CUX1: variants seen among roughly 807,000 people sequenced by gnomAD.
The protein encoded by CUX1 is protein CASP.
A neutral mutation model predicts 158.8 loss-of-function variants in CUX1; 31 were observed. The observed-to-expected ratio is 0.20, with a 90% CI of 0.15 to 0.26. The LOEUF is 0.26. CUX1 is among the 10% of genes least tolerant of loss of function. The pLI, the probability that CUX1 is intolerant of heterozygous loss-of-function variation, is 1.00. For missense variants in CUX1, 1,589 were observed against 2,014.6 expected, an observed-to-expected ratio of 0.79 and a Z score of 4.04; for synonymous variants, 879 against 862.1, an observed-to-expected ratio of 1.02 and a Z score of -0.34.
At chr7:102,030,689 G>GTTTTTTTTTTTTTTTTTT (rs1585341128) in intron 3 of CUX1, among the ~76,000 whole-genome samples, 2 of 82,546 alleles carry the variant, frequency 2.4e-5, no homozygotes, top group African/African-American at 1.1e-4. Flanking sequence ...ATTTTAAAAA[G>GTTTTTTTTTTTTTTTTTT]TGTTTTTTTT....
In CUX1 at chr7:101,913,225, C is replaced by T. The variant is rs193272510; in HGVS notation, c.31-2890C>T. 2.6e-3 allele frequency: 1,041 copies of T among 406,018 alleles called. 11 individuals carry two copies. Among genetic ancestry groups the T allele is most frequent in the African/African-American group, 0.02 (958 of 46,792 alleles). The allele number at this position is 406,018 out of a possible 1,614,324, so 25.2% of individuals were successfully genotyped here. On this transcript the variant is annotated intron_variant, in intron 1 of 23. Coordinates refer to ENST00000292535, the MANE Select transcript of CUX1 (RefSeq NM_181552.4). ...ATCTGATCAACCCAATCTGGGGCGG[C>T]GGCAGCTCAGTCTCTCCTCCTCGCT...
intron 20 of CUX1, among the ~76,000 whole-genome samples, chr7:102,209,388 A>G (rs1177653592): frequency 3.9e-5 from 6 of 152,200 alleles, no homozygotes; most frequent in Admixed American, 3.9e-4. Flanking sequence ...CAGCAGCGTC[A>G]CTAGTGACCC....
In CUX1 at chr7:101,978,739, C is replaced by T. The variant is rs377612973; in HGVS notation, c.142-49359C>T. The stretch of plus-strand genomic sequence containing the variant: ...GCCTAGCCTCTGTCCTCCTCCTCTG[C>T]GCCCCGTGGCTTCTTCCACTTTCTT... On this transcript the variant is annotated intron_variant, in intron 2 of 23. Transcript: ENST00000292535. Among the ~76,000 whole-genome samples, 656 of 152,346 alleles carry T rather than the reference C, an allele frequency of 4.3e-3. 4 individuals carry two copies. Among genetic ancestry groups the T allele is most frequent in the Non-Finnish European group, 7.3e-3 (495 of 68,020 alleles).
At chr7:102,002,047 A>G (rs1182044784) in intron 2 of CUX1, among the ~76,000 whole-genome samples, 2 of 152,216 alleles carry the variant, frequency 1.3e-5, no homozygotes, top group Non-Finnish European at 2.9e-5. Context: ...TAATCCCAGC[A>G]CTTTGAGAGG....
intron 1 of CUX1, among the ~76,000 whole-genome samples, chr7:101,876,565 C>T (rs1326576517): frequency 6.6e-6 from 1 of 151,602 alleles, no homozygotes; most frequent in Non-Finnish European, 1.5e-5. Context: ...CGTGGTGGCA[C>T]GCACCTGTAG....
At chr7:102,034,392 A>G (rs1821171372) in intron 3 of CUX1, among the ~76,000 whole-genome samples, 1 of 152,038 alleles carries the variant, frequency 6.6e-6, no homozygotes, top group Admixed American at 6.6e-5. Context: ...AACTACCAAC[A>G]GGCTAGGCAT....
At chr7:101,934,183 CGAT>C (rs766360646) in intron 2 of CUX1, among the ~76,000 whole-genome samples, 2 of 152,188 alleles carry the variant, frequency 1.3e-5, no homozygotes, top group Non-Finnish European at 2.9e-5. Flanking sequence ...CACACTGTAA[CGAT>C]GATCTAAAGG....
chr7:101,995,261 C>T (rs527844327), intron 2 of CUX1, among the ~76,000 whole-genome samples: 6 of 152,234 alleles, frequency 3.9e-5, no homozygotes, highest in East Asian at 3.9e-4. Context: ...CCATCCAGGC[C>T]GCCATGGCTC....
intron 3 of CUX1, among the ~76,000 whole-genome samples, chr7:102,068,288 T>G (rs1049891624): frequency 2.0e-5 from 3 of 151,946 alleles, no homozygotes; most frequent in African/African-American, 7.2e-5. Context: ...AATTTTTATT[T>G]TTAAATTTTA....
chr7:102,112,304 C>G (rs1448927314), intron 7 of CUX1, among the ~76,000 whole-genome samples: 1 of 143,986 alleles, frequency 6.9e-6, no homozygotes, highest in African/African-American at 2.6e-5. Context: ...TGCAGTGGCA[C>G]GATCTTGACT....
At chr7:101,870,451 A>T (rs1304358725) in intron 1 of CUX1, among the ~76,000 whole-genome samples, 3 of 152,114 alleles carry the variant, frequency 2.0e-5, no homozygotes. Flanking sequence ...GATTACAGGC[A>T]TGAGACATTC....
intron 2 of CUX1, among the ~76,000 whole-genome samples, chr7:101,925,792 G>A (rs1805513495): frequency 6.6e-6 from 1 of 152,052 alleles, no homozygotes; most frequent in Admixed American, 6.6e-5. Context: ...TATTAGCTGG[G>A]AGTGGTGGTG....
chr7:101,854,493 T>A (rs1471064623), intron 1 of CUX1, among the ~76,000 whole-genome samples: 1 of 152,114 alleles, frequency 6.6e-6, no homozygotes, highest in East Asian at 1.9e-4. Context: ...CATTCCCTTA[T>A]CTCTGGGTGG....
At chr7:101,821,247 T>TCC (rs142508756) in intron 1 of CUX1, among the ~76,000 whole-genome samples, 403 of 149,650 alleles carry the variant, frequency 2.7e-3, no homozygotes, top group Admixed American at 9.5e-3. Context: ...GAGAAGATAC[T>TCC]CCCCCCCGCC....
Position 101,916,863 on chromosome 7 carries a change from T to C in CUX1, c.141+638T>C, listed in dbSNP as rs1454564041. On this transcript the variant is annotated intron_variant, in intron 2 of 23. Transcript: ENST00000292535. This position sits in a 1 kb window ranked among gnomAD's most constrained non-coding sequence, Gnocchi z 4.4. Reference sequence around the variant, plus strand: ...CTGGGGTGGCGTTTTTCTGCTCGTTTCCTGGCCCCTTCTTCCTTCCCTTCA... The same window carrying C: ...CTGGGGTGGCGTTTTTCTGCTCGTTCCCTGGCCCCTTCTTCCTTCCCTTCA... 1.3e-5 allele frequency among the ~76,000 whole-genome samples: 2 copies of C among 151,966 alleles called. No homozygotes were observed. Among genetic ancestry groups the C allele is most frequent in the African/African-American group, 4.8e-5 (2 of 41,362 alleles).
intron 1 of CUX1, among the ~76,000 whole-genome samples, chr7:101,855,877 C>CAAAA (rs10654821): frequency 1.7e-4 from 19 of 110,958 alleles, no homozygotes; most frequent in South Asian, 3.2e-4. Context: ...GTTTCCAGCT[C>CAAAA]AAAAAAAAAA....
chr7:102,277,395 AGACCAGCCT>A (rs1377577480), intron 17 of CUX1, among the ~76,000 whole-genome samples: 1 of 152,082 alleles, frequency 6.6e-6, no homozygotes, highest in Non-Finnish European at 1.5e-5. Flanking sequence ...CAGGAGTTCG[AGACCAGCCT>A]GAACAAAATG....
In CUX1 at chr7:102,250,399, G is replaced by T. The variant is rs1563491720; in HGVS notation, c.*1357G>T. 1 of 985,558 alleles carries T rather than the reference G, an allele frequency of 1.0e-6. No homozygotes were observed. The highest frequency in any genetic ancestry group is 1.7e-5 in the African/African-American group (1 of 57,364). 61.1% of individuals were successfully genotyped at this position (985,558 alleles called of 1,614,324 possible). ...CACACCACTCTCCTGGATACCTGAT[G>T]AACTGAGCCCTCCCAGGGGAAGACA... On this transcript the variant is annotated 3_prime_UTR_variant, in exon 24 of 24. Coordinates refer to ENST00000292535, the MANE Select transcript of CUX1 (RefSeq NM_181552.4).
Position 102,257,832 on chromosome 7 carries a change from T to C in CUX1, c.*8790T>C. 1 of 984,882 alleles carries C rather than the reference T, an allele frequency of 1.0e-6. No individual in the cohort carries two copies. The highest frequency in any genetic ancestry group is 1.2e-6 in the Non-Finnish European group (1 of 829,838). The allele number at this position is 984,882 out of a possible 1,614,324, so 61.0% of individuals were successfully genotyped here. ...TTTGTTCATCCTCACAATCACAGAT[T>C]TTTTTCTCCAATCCTCACAGAGACC... On this transcript the variant is annotated 3_prime_UTR_variant, in exon 24 of 24. Coordinates refer to ENST00000292535, the MANE Select transcript of CUX1 (RefSeq NM_181552.4).
Sources: gnomAD v4.1 joint callset for allele counts (sites outside exome capture counted in the v4.1 genomes callset) on GRCh38, gnomAD v4.1.1 for gene constraint, Gnocchi (gnomAD v3.1) non-coding constraint, MANE v1.5 for transcripts, NCBI Gene and HGNC (gene_info 2026-07-23, HGNC 2026-07-21) for gene names.